DCAF5: variants seen among roughly 807,000 people sequenced by gnomAD.
DCAF5 encodes DDB1 and CUL4 associated factor 5, also known as DDB1- and CUL4-associated factor 5.
A neutral mutation model predicts 80.7 loss-of-function variants in DCAF5; 9 were observed. The observed-to-expected ratio is 0.11, with a 90% CI of 0.07 to 0.19. DCAF5 has a LOEUF of 0.19. Among genes scored for constraint, DCAF5 ranks in the 10% least tolerant of loss-of-function variants. DCAF5 has a pLI of 1.00. For missense variants in DCAF5, 842 were observed against 1,205.7 expected, an observed-to-expected ratio of 0.70 and a Z score of 4.47; for synonymous variants, 433 against 461.9, an observed-to-expected ratio of 0.94 and a Z score of 0.80.
intron 1 of DCAF5, among the ~76,000 whole-genome samples, chr14:69,128,553 G>A (rs1343608645): frequency 2.0e-5 from 3 of 152,198 alleles, no homozygotes; most frequent in African/African-American, 7.2e-5. Context: ...AAGACTGCAG[G>A]ATGGGCTGGG....
Position 69,051,551 on chromosome 14 carries a change from AATGAT to A in DCAF5, c.*2301_*2305del. The A allele has an allele frequency of 6.6e-6, 1 of 152,330 alleles. No individual in the cohort carries two copies. The allele number at this position is 152,330 out of a possible 1,614,324, so 9.4% of individuals were successfully genotyped here. ...AAGGATGGAAGGCATACTTGCTAAA[AATGAT>A]CTTTCTTGGCTTCTCAAGTTAACCA... On this transcript the variant is annotated 3_prime_UTR_variant, in exon 9 of 9. Transcript: ENST00000341516.
At chr14:69,094,537 T>G (rs999912066) in intron 5 of DCAF5, among the ~76,000 whole-genome samples, 1 of 152,192 alleles carries the variant, frequency 6.6e-6, no homozygotes, top group African/African-American at 2.4e-5. Context: ...GAAAACTTCA[T>G]GTTTTGTCAC....
chr14:69,068,265 T>A (rs10148614), intron 7 of DCAF5, among the ~76,000 whole-genome samples: 46,293 of 152,168 alleles, frequency 0.3, 9,367 homozygotes, highest in East Asian at 0.9. Context: ...GGATACTCAA[T>A]AAGTGAACAA....
At chr14:69,067,976 C>G (rs1205244853) in intron 7 of DCAF5, among the ~76,000 whole-genome samples, 2 of 152,160 alleles carry the variant, frequency 1.3e-5, no homozygotes, top group African/African-American at 2.4e-5. Flanking sequence ...TGTAGTTAAG[C>G]AGGAGCAGAG....
rs2040607277 is a variant in DCAF5 at position 69,118,463 on chromosome 14, T to C, written c.396-185A>G. On this transcript the variant is annotated intron_variant, in intron 3 of 8. Transcript: ENST00000341516. The surrounding 1 kb of genome is among the most constrained non-coding windows in gnomAD (Gnocchi z 4.0). ...AACTTTCAGGTTAAAAAAAAGGTAC[T>C]ATTAAGGAGTCTTTTTAGAGATTTT... 6.6e-6 allele frequency among the ~76,000 whole-genome samples: 1 copy of C among 152,202 alleles called. No homozygotes were observed. The highest frequency in any genetic ancestry group is 6.5e-5 in the Admixed American group (1 of 15,276).
At chr14:69,072,868 G>A (rs904176752) in intron 7 of DCAF5, among the ~76,000 whole-genome samples, 1 of 152,180 alleles carries the variant, frequency 6.6e-6, no homozygotes, top group Admixed American at 6.5e-5. Context: ...TCCAACAACA[G>A]GGATAGTTAT....
In DCAF5 at chr14:69,153,077, C is replaced by T. The variant is rs1314679357; in HGVS notation, c.-99G>A. ...CCCGGCCCTCCCCCCGCGCTGCGATCCGGATGGTTCTTTAACCAGCCATGG... is the reference window on the plus strand; with the variant it reads ...CCCGGCCCTCCCCCCGCGCTGCGATTCGGATGGTTCTTTAACCAGCCATGG... On this transcript the variant is annotated 5_prime_UTR_variant, in exon 1 of 9. Transcript: ENST00000341516. The T allele has an allele frequency of 2.1e-6, 2 of 974,458 alleles. No homozygotes were observed. The highest frequency in any genetic ancestry group is 2.8e-6 in the Non-Finnish European group (2 of 711,578). 60.4% of individuals were successfully genotyped at this position (974,458 alleles called of 1,614,324 possible). A position where few individuals can be genotyped will look rare whatever the true frequency, so the allele number is the denominator to read the frequency against.
At chr14:69,070,875 G>C (rs1219178259) in intron 7 of DCAF5, among the ~76,000 whole-genome samples, 1 of 151,346 alleles carries the variant, frequency 6.6e-6, no homozygotes, top group African/African-American at 2.4e-5. Context: ...TCGGCTCAGT[G>C]CAACCTCTCC....
Position 69,090,290 on chromosome 14 carries a change from T to C in DCAF5, c.879+1384A>G, listed in dbSNP as rs531771952. On this transcript the variant is annotated intron_variant, in intron 6 of 8. Coordinates refer to ENST00000341516, the MANE Select transcript of DCAF5 (RefSeq NM_003861.3). The stretch of plus-strand genomic sequence containing the variant: ...AGAGTCTGATCGCCTATAGAAACTG[T>C]TTCTTCCCACCCAAGAAACAAATTC... 4 of 200,796 alleles carry C rather than the reference T, an allele frequency of 2.0e-5. No individual in the cohort carries two copies. The South Asian group carries it at 7.0e-4, about 35-fold the overall frequency. 12.4% of individuals were successfully genotyped at this position (200,796 alleles called of 1,614,324 possible).
intron 5 of DCAF5, among the ~76,000 whole-genome samples, chr14:69,093,531 T>C (rs2039599855): frequency 6.6e-6 from 1 of 152,194 alleles, no homozygotes; most frequent in East Asian, 1.9e-4. Flanking sequence ...TTTCTTTTTT[T>C]GCCAAGAGAA....
At chr14:69,093,236 G>T (rs1390602327) in intron 5 of DCAF5, among the ~76,000 whole-genome samples, 1 of 152,174 alleles carries the variant, frequency 6.6e-6, no homozygotes, top group African/African-American at 2.4e-5. Flanking sequence ...GCAGGAAAGT[G>T]AAGTATATAT....
intron 1 of DCAF5, among the ~76,000 whole-genome samples, chr14:69,147,172 T>G (rs529697971): frequency 6.6e-6 from 1 of 152,360 alleles, no homozygotes; most frequent in East Asian, 1.9e-4. Context: ...ATAGCTATTA[T>G]TCAATGCTTA....
At position 69,054,714 on chromosome 14, in the gene DCAF5, G is replaced by T. The variant is rs2037886219; in HGVS notation, c.1972C>A (p.Arg658=). 6.2e-7 allele frequency: 1 copy of T among 1,614,190 alleles called. No homozygotes were observed. The highest frequency in any genetic ancestry group is 8.5e-7 in the Non-Finnish European group (1 of 1,180,036). The change falls in exon 9 of 9, where the codon CGA becomes AGA. Residue 658 remains arginine (R), a synonymous_variant. Coordinates refer to ENST00000341516, the MANE Select transcript of DCAF5 (RefSeq NM_003861.3). Reference sequence around the variant, plus strand: ...CACTTGTAAGCTTTATAAATTTTTCGCTCAACTGATTCTATGTCAGAAGTT... The same window carrying T: ...CACTTGTAAGCTTTATAAATTTTTCTCTCAACTGATTCTATGTCAGAAGTT... ...SPTSDIESVE[R]KIYKAYKWLR... is the part of the protein sequence containing the mutation.
chr14:69,123,764 T>C (rs915378577), intron 1 of DCAF5, among the ~76,000 whole-genome samples: 3 of 152,120 alleles, frequency 2.0e-5, no homozygotes, highest in Admixed American at 6.5e-5. Flanking sequence ...AGTGGCGCAA[T>C]CTCGGCTCAC....
rs189144224 is a variant in DCAF5, at chr14:69,075,796, T to A, written c.880-385A>T. On this transcript the variant is annotated intron_variant, in intron 6 of 8. Transcript: ENST00000341516. Reference sequence around the variant, plus strand: ...ACCACAACTGGCCTAAACATACTGATTTTTAATATATCTATCTGTACAGAG... The same window carrying A: ...ACCACAACTGGCCTAAACATACTGAATTTTAATATATCTATCTGTACAGAG... Among the ~76,000 whole-genome samples the A allele has an allele frequency of 2.0e-3, 301 of 152,288 alleles. 1 individual carries two copies. The highest frequency in any genetic ancestry group is 2.6e-3 in the Non-Finnish European group (175 of 68,026).
At chr14:69,094,508 A>G (rs2039635402) in intron 5 of DCAF5, among the ~76,000 whole-genome samples, 1 of 152,212 alleles carries the variant, frequency 6.6e-6, no homozygotes, top group Non-Finnish European at 1.5e-5. Context: ...CTATTTAAAG[A>G]GCAGCAGCCA....
rs1180419951 is a variant in DCAF5, at chr14:69,053,156, T to A, written c.*701A>T. 1 of 152,256 alleles carries A rather than the reference T, an allele frequency of 6.6e-6. No homozygotes were observed. Among genetic ancestry groups the A allele is most frequent in the Non-Finnish European group, 1.5e-5 (1 of 68,060 alleles). 9.4% of individuals were successfully genotyped at this position (152,256 alleles called of 1,614,324 possible). A position where few individuals can be genotyped will look rare whatever the true frequency, so the allele number is the denominator to read the frequency against. ...AGTGAAATTTATCAGGAATCTATAT[T>A]CTCTTGAATCTGATCTTAAGTGCTA... On this transcript the variant is annotated 3_prime_UTR_variant, in exon 9 of 9. Coordinates refer to ENST00000341516, the MANE Select transcript of DCAF5 (RefSeq NM_003861.3).
At chr14:69,117,459 G>A (rs2040577530) in intron 4 of DCAF5, among the ~76,000 whole-genome samples, 1 of 152,204 alleles carries the variant, frequency 6.6e-6, no homozygotes, top group Non-Finnish European at 1.5e-5. Context: ...TAGGTACACA[G>A]CTGTGATCAT....
At chr14:69,102,881 A>G (rs2040012872) in intron 5 of DCAF5, among the ~76,000 whole-genome samples, 1 of 152,214 alleles carries the variant, frequency 6.6e-6, no homozygotes, top group South Asian at 2.1e-4. Flanking sequence ...ACAGCTGTTT[A>G]TTATCAAGTG....
Sources: gnomAD v4.1 joint callset for allele counts (sites outside exome capture counted in the v4.1 genomes callset) on GRCh38, gnomAD v4.1.1 for gene constraint, Gnocchi (gnomAD v3.1) non-coding constraint, MANE v1.5 for transcripts, NCBI Gene and HGNC (gene_info 2026-07-23, HGNC 2026-07-21) for gene names.